TNNT3: variants seen among roughly 807,000 people sequenced by gnomAD.
TNNT3 encodes troponin T3, fast skeletal type.
TNNT3 carries 36 observed loss-of-function variants against 54.2 expected under a neutral mutation model. The observed-to-expected ratio is 0.66, with a 90% CI of 0.51 to 0.88. TNNT3 has a LOEUF of 0.88. Among genes scored for constraint, TNNT3 ranks in the 40% least tolerant of loss-of-function variants. The pLI, the probability that TNNT3 is intolerant of heterozygous loss-of-function variation, is 0.00. For missense variants in TNNT3, 291 were observed against 331.6 expected (o/e 0.88, Z 0.95); for synonymous variants, 120 against 109.7 (o/e 1.09, Z -0.59).
At chr11:1,929,068 C>T (rs752851617) in intron 6 of TNNT3, 52 bp from the exon 7 acceptor site, 27 of 1,609,814 alleles carry the variant, frequency 1.7e-5, no homozygotes, top group Non-Finnish European at 2.1e-5. Flanking sequence ...TCCCCCGCAG[C>T]CGCACTGGCT....
At chr11:1,927,239 G>T (rs1181393625) in intron 6 of TNNT3, among the ~76,000 whole-genome samples, 1 of 152,220 alleles carries the variant, frequency 6.6e-6, no homozygotes, top group Non-Finnish European at 1.5e-5. Context: ...ACAGCCAGGG[G>T]CCATGCGTGC....
rs686389 is a variant in TNNT3 at position 1,926,563 on chromosome 11, C to T, written c.68-132C>T. The T allele has an allele frequency of 0.3, 488,631 of 1,608,502 alleles. 79,647 individuals carry two copies. Among genetic ancestry groups the T allele is most frequent in the East Asian group, 0.62 (27,790 of 44,830 alleles). ...ACCCAAGAAGGAACAAGAGGGGCCG[C>T]GTAACCCTGCACAGCCTGGCCTGCT... On this transcript the variant is annotated intron_variant, in intron 5 of 15. Coordinates refer to ENST00000278317, the MANE Select transcript of TNNT3 (RefSeq NM_006757.4).
chr11:1,936,841 TG>T, intron 14 of TNNT3, 121 bp from the exon 15 acceptor site: 1 of 1,003,488 alleles, frequency 1.0e-6, no homozygotes, highest in Non-Finnish European at 1.5e-6. Context: ...GGAGCCCTCA[TG>T]GGGGCCCAGC....
chr11:1,934,251 C>A, intron 11 of TNNT3, 81 bp from the exon 12 acceptor site: 1 of 1,334,540 alleles, frequency 7.5e-7, no homozygotes, highest in East Asian at 2.4e-5. Flanking sequence ...AGCTCTAAGC[C>A]CAGGGTGGGT....
rs1014224543 is a variant in TNNT3, at chr11:1,925,041, C to G, written c.50-58C>G. 5.5e-5 allele frequency: 88 copies of G among 1,601,514 alleles called. No individual in the cohort carries two copies. In the South Asian group the frequency reaches 9.5e-4, roughly 17 times the overall value. On this transcript the variant is annotated intron_variant, in intron 4 of 15. Transcript: ENST00000278317. The stretch of plus-strand genomic sequence containing the variant: ...CCTGAGTACACTCTGATCACTGTCT[C>G]TGTTCCCTGTCTCCCTCAACCCCGC...
In TNNT3 at chr11:1,938,475, G is replaced by A. The variant is rs372186101; in HGVS notation, c.760G>A (p.Gly254Ser). The change falls in exon 16 of 16, where the codon GGC becomes AGC. Residue 254 changes from glycine (G) to serine (S), a missense_variant. Gly to Ser is a moderately conservative substitution (Grantham distance 56). Coordinates refer to ENST00000278317, the MANE Select transcript of TNNT3 (RefSeq NM_006757.4). ...KAGTPAKGKV[G>S]GRWK ...TGGGACCCCAGCCAAGGGCAAAGTCGGCGGGCGCTGGAAGTAGAGAGGCCA... is the reference window on the plus strand; with the variant it reads ...TGGGACCCCAGCCAAGGGCAAAGTCAGCGGGCGCTGGAAGTAGAGAGGCCA... The A allele has an allele frequency of 8.7e-6, 14 of 1,613,368 alleles. No homozygotes were observed. The highest frequency in any genetic ancestry group is 4.5e-5 in the East Asian group (2 of 44,858).
intron 4 of TNNT3, among the ~76,000 whole-genome samples, chr11:1,924,226 A>G (rs525529): frequency 1.3e-5 from 2 of 151,774 alleles, no homozygotes; most frequent in Non-Finnish European, 1.5e-5. Flanking sequence ...GCCACCCCCC[A>G]ACCCTGTGCT....
Position 1,931,720 on chromosome 11 carries a change from G to GTT in TNNT3, c.126-734_126-733dup, listed in dbSNP as rs572648117. ...TTTTTTTTTTGCCTTTCCATTTTCCGTTTTTTTTTTTTTTTTCACATACAT... is the reference window on the plus strand; with the variant it reads ...TTTTTTTTTTGCCTTTCCATTTTCCGTTTTTTTTTTTTTTTTTTCACATACAT... On this transcript the variant is annotated intron_variant, in intron 8 of 15. Transcript: ENST00000278317. Among the ~76,000 whole-genome samples, 587 of 120,326 alleles carry GTT rather than the reference G, an allele frequency of 4.9e-3. 3 individuals are homozygous for GTT. The highest frequency in any genetic ancestry group is 9.4e-3 in the Middle Eastern group (2 of 212). The allele number at this position is 120,326 out of a possible 152,430, so 78.9% of individuals were successfully genotyped here.
rs1422792391 is a variant in TNNT3, at chr11:1,937,514, C to T, written c.722+511C>T. ...ATCCATAAAATCGTGTCCCTGGGGG[C>T]TGTGGGATCCCTTGACACAGCTACT... On this transcript the variant is annotated intron_variant, in intron 15 of 15. Coordinates refer to ENST00000278317, the MANE Select transcript of TNNT3 (RefSeq NM_006757.4). Among the ~76,000 whole-genome samples the T allele has an allele frequency of 2.6e-5, 4 of 152,294 alleles. No homozygotes were observed. The East Asian group carries it at 7.7e-4, about 29-fold the overall frequency.
At position 1,934,328 on chromosome 11, in the gene TNNT3, A is replaced by G. The variant is rs1388249132; in HGVS notation, c.367-4A>G. 6.2e-7 allele frequency: 1 copy of G among 1,612,814 alleles called. No individual in the cohort carries two copies. Among genetic ancestry groups the G allele is most frequent in the Admixed American group, 1.7e-5 (1 of 60,004 alleles). On this transcript the variant is annotated splice_polypyrimidine_tract_variant and splice_region_variant and intron_variant, in intron 11 of 15. Coordinates refer to ENST00000278317, the MANE Select transcript of TNNT3 (RefSeq NM_006757.4). Reference sequence around the variant, plus strand: ...TGAGCATCTTGGGAATGGGGTCTCCACAGGAGGAAAAGGCCAGAAGGGAGG... The same window carrying G: ...TGAGCATCTTGGGAATGGGGTCTCCGCAGGAGGAAAAGGCCAGAAGGGAGG...
intron 14 of TNNT3, chr11:1,935,256 T>C: frequency 2.5e-6 from 1 of 402,046 alleles, no homozygotes; most frequent in Non-Finnish European, 4.7e-6. Context: ...CCTTTAAGCT[T>C]ATAGAAAGTC....
At chr11:1,937,620 G>C (rs1855503468) in intron 15 of TNNT3, among the ~76,000 whole-genome samples, 1 of 152,216 alleles carries the variant, frequency 6.6e-6, no homozygotes, top group Admixed American at 6.5e-5. Context: ...CAGCTGCACA[G>C]CCAGTGCCAT....
intron 9 of TNNT3, among the ~76,000 whole-genome samples, chr11:1,932,886 A>G (rs1413544425): frequency 2.4e-5 from 3 of 124,976 alleles, no homozygotes; most frequent in Non-Finnish European, 5.1e-5. Context: ...CCTTACTTCC[A>G]TCCATCCAAC....
rs886038573 is a variant in TNNT3, at chr11:1,934,933, C to T, written c.681+14C>T. On this transcript the variant is annotated intron_variant, in intron 14 of 15. Transcript: ENST00000278317. ...CAGAAATATGACGTGAGTCCCGGCA[C>T]CTCCGGCCCTGGGGCCCTAGCGGCT... The T allele has an allele frequency of 1.2e-6, 2 of 1,612,516 alleles. No homozygotes were observed. The highest frequency in any genetic ancestry group is 2.2e-5 in the East Asian group (1 of 44,880).
chr11:1,929,666 T>C, intron 7 of TNNT3, 144 bp from the exon 8 acceptor site: 1 of 882,660 alleles, frequency 1.1e-6, no homozygotes, highest in Non-Finnish European at 1.8e-6. Context: ...TTTCTGGGGG[T>C]TGGGGGTACT....
chr11:1,925,507 G>A (rs1851336148), intron 5 of TNNT3: 2 of 614,924 alleles, frequency 3.3e-6, no homozygotes, highest in Non-Finnish European at 5.8e-6. Flanking sequence ...AGGCAGTAGG[G>A]CCAGGGACTC....
intron 13 of TNNT3, 30 bp downstream of exon 13, chr11:1,934,685 C>G: frequency 6.2e-7 from 1 of 1,607,404 alleles, no homozygotes; most frequent in East Asian, 2.2e-5. Context: ...GGGCTCAGCC[C>G]CACGGGGTGG....
chr11:1,935,903 C>G (rs1854881554), intron 14 of TNNT3, among the ~76,000 whole-genome samples: 1 of 152,156 alleles, frequency 6.6e-6, no homozygotes, highest in South Asian at 2.1e-4. Flanking sequence ...CCGACAGAGG[C>G]AGGGCGATTA....
At chr11:1,929,860 G>T (rs934820378) in intron 8 of TNNT3, 32 bp downstream of exon 8, 1 of 1,508,490 alleles carries the variant, frequency 6.6e-7, no homozygotes, top group African/African-American at 1.5e-5. Flanking sequence ...GCCCGCTGCT[G>T]AGTGTGTTCT....
Sources: gnomAD v4.1 joint callset for allele counts (sites outside exome capture counted in the v4.1 genomes callset) on GRCh38, gnomAD v4.1.1 for gene constraint, MANE v1.5 for transcripts, NCBI Gene and HGNC (gene_info 2026-07-23, HGNC 2026-07-21) for gene names.